GAK: variants seen among roughly 807,000 people sequenced by gnomAD.
GAK encodes cyclin-G-associated kinase.
Under a neutral mutation model 143.9 loss-of-function variants are expected in GAK, and 79 were observed. That is an observed-to-expected ratio of 0.55 (90% CI 0.46 to 0.66). The LOEUF is 0.66. Among genes scored for constraint, GAK ranks in the 30% least tolerant of loss-of-function variants. The probability of loss-of-function intolerance (pLI) is 0.00; values close to 1 mark genes in which losing one functional copy is unlikely to be tolerated. For missense variants in GAK, 1,693 were observed against 1,779.7 expected, an observed-to-expected ratio of 0.95 and a Z score of 0.88; for synonymous variants, 881 against 765.5, an observed-to-expected ratio of 1.15 and a Z score of -2.49.
chr4:921,389 C>T (rs774059022), intron 1 of GAK, among the ~76,000 whole-genome samples: 1 of 152,212 alleles, frequency 6.6e-6, no homozygotes, highest in Non-Finnish European at 1.5e-5. Context: ...CTACCACGCC[C>T]AGCCCATCGA....
At chr4:870,929 T>A (rs777426016) in intron 18 of GAK, 25 bp from the exon 19 acceptor site, 2 of 1,586,154 alleles carry the variant, frequency 1.3e-6, no homozygotes, top group Non-Finnish European at 1.7e-6. Flanking sequence ...AGACACCACT[T>A]AGGAAGGCCA....
chr4:851,837 C>T lies in GAK; in HGVS notation c.3421G>A (p.Ala1141Thr), dbSNP rs1016626619. The T allele has an allele frequency of 6.2e-7, 1 of 1,609,526 alleles. No individual in the cohort carries two copies. The highest frequency in any genetic ancestry group is 1.3e-5 in the African/African-American group (1 of 74,952). Reference protein sequence around the residue: ...WPPQAKPPPKACTQPRPNYAS... With the variant: ...WPPQAKPPPKTCTQPRPNYAS... ...TAGTTAGGCCTTGGCTGTGTGCAGG[C>T]TTTGGGGGGCGGCTTGGCCTGAGGG... Residue 1141 changes from alanine (A) to threonine (T), a missense_variant, in exon 25 of 28, where the codon GCC becomes ACC. Transcript: ENST00000314167.
intron 9 of GAK, among the ~76,000 whole-genome samples, chr4:892,016 G>A (rs749960386): frequency 3.9e-5 from 6 of 152,120 alleles, no homozygotes; most frequent in Non-Finnish European, 7.4e-5. Context: ...GCCTCTCCCC[G>A]TCTGCACTGG....
chr4:895,338 A>C (rs1364714560), intron 7 of GAK, among the ~76,000 whole-genome samples: 2 of 152,248 alleles, frequency 1.3e-5, no homozygotes, highest in Non-Finnish European at 2.9e-5. Flanking sequence ...GATCTTATCC[A>C]GCCAAGAGTA....
At chr4:850,427 G>A (rs1747914907) in intron 26 of GAK, 1 of 232,638 alleles carries the variant, frequency 4.3e-6, no homozygotes, top group Non-Finnish European at 8.4e-6. Context: ...AGGACCCCAA[G>A]GTCACAGGCG....
intron 1 of GAK, among the ~76,000 whole-genome samples, chr4:925,437 A>C (rs1724562989): frequency 6.6e-6 from 1 of 152,220 alleles, no homozygotes; most frequent in South Asian, 2.1e-4. Context: ...TCAGTACAGG[A>C]CCACTACAGG....
At chr4:906,960 C>T (rs548995750) in intron 4 of GAK, among the ~76,000 whole-genome samples, 1 of 152,350 alleles carries the variant, frequency 6.6e-6, no homozygotes, top group South Asian at 2.1e-4. Flanking sequence ...GCCCACACCA[C>T]CTAAACGTGC....
chr4:895,601 C>T (rs556726633), intron 7 of GAK, among the ~76,000 whole-genome samples: 7 of 152,360 alleles, frequency 4.6e-5, no homozygotes, highest in East Asian at 1.9e-4. Context: ...TGACCCGGTC[C>T]GTAGGCAAAT....
chr4:877,851 G>A (rs769771443), intron 15 of GAK, 42 bp from the exon 16 acceptor site: 2 of 1,507,298 alleles, frequency 1.3e-6, no homozygotes, highest in South Asian at 1.3e-5. Flanking sequence ...CGTGCCCTGA[G>A]AGGGGACCAC....
In GAK at chr4:868,633, C is replaced by T. The variant is rs1300644432; in HGVS notation, c.2301G>A (p.Gly767=). 1 of 1,570,922 alleles carries T rather than the reference C, an allele frequency of 6.4e-7. No homozygotes were observed. Among genetic ancestry groups the T allele is most frequent in the Non-Finnish European group, 8.6e-7 (1 of 1,158,682 alleles). The change falls in exon 20 of 28, where the codon GGG becomes GGA. Residue 767 remains glycine, a synonymous_variant. Coordinates refer to ENST00000314167, the MANE Select transcript of GAK (RefSeq NM_005255.4). The part of the protein sequence containing the change: ...QPGSTAQYDA[G]AGSPEAEPTD... ...TGGGTTCGGCTTCCGGGGACCCTGC[C>T]CCAGCATCATACTGAGCCGTGGAGC...
chr4:903,765 ACCACCGGCGGGCAC>A (rs1233242142), intron 5 of GAK, among the ~76,000 whole-genome samples: 10 of 151,522 alleles, frequency 6.6e-5, no homozygotes. Context: ...CTGAACTGAC[ACCACCGGCGGGCAC>A]CCTCGTCCAC....
rs1267741304 is a variant in GAK at position 904,777 on chromosome 4, G to C, written c.385C>G (p.Gln129Glu). 1 of 1,613,704 alleles carries C rather than the reference G, an allele frequency of 6.2e-7. No homozygotes were observed. The highest frequency in any genetic ancestry group is 8.5e-7 in the Non-Finnish European group (1 of 1,179,842). ...ATTTTCTTCAAAAATTCCACCAGCTGCCCTAAAAGAGAATGAAACTCACAT... is the reference window on the plus strand; with the variant it reads ...ATTTTCTTCAAAAATTCCACCAGCTCCCCTAAAAGAGAATGAAACTCACAT... Reference protein sequence around the residue: ...FLLLTELCKGQLVEFLKKMES... With the variant: ...FLLLTELCKGELVEFLKKMES... Residue 129 changes from glutamine to glutamate, a missense_variant and splice_region_variant, in exon 5 of 28, where the codon CAG (glutamine) becomes GAG (glutamate). Gln to Glu is a conservative substitution (Grantham distance 29). Around this residue, in one of 2 missense-constraint regions of GAK, gnomAD observed 871 missense variants for 991.0 expected, o/e 0.88. Transcript: ENST00000314167.
chr4:882,648 T>C, intron 14 of GAK, 49 bp downstream of exon 14: 1 of 1,598,312 alleles, frequency 6.3e-7, no homozygotes, highest in Non-Finnish European at 8.5e-7. Context: ...ATGCATGAAA[T>C]AATGAACTTT....
chr4:902,355 A>AC, intron 5 of GAK, among the ~76,000 whole-genome samples: 1 of 151,598 alleles, frequency 6.6e-6, no homozygotes, highest in Non-Finnish European at 1.5e-5. Flanking sequence ...CCTGGAATCG[A>AC]CCCCTTTCAG....
intron 4 of GAK, among the ~76,000 whole-genome samples, chr4:906,875 C>CTCACTGGCCTCCCTGG (rs1230767616): frequency 1.3e-5 from 2 of 152,218 alleles, no homozygotes; most frequent in Non-Finnish European, 2.9e-5. Context: ...GCCTCAGGAC[C>CTCACTGGCCTCCCTGG]CCTCACAAGC....
At chr4:859,865 A>G in intron 23 of GAK, 143 bp from the exon 24 acceptor site, 1 of 631,054 alleles carries the variant, frequency 1.6e-6, no homozygotes, top group Non-Finnish European at 2.8e-6. Flanking sequence ...CGTGCACGAG[A>G]CCAGCCAGGA....
chr4:873,936 T>C (rs1713251470), intron 18 of GAK, among the ~76,000 whole-genome samples: 3 of 152,210 alleles, frequency 2.0e-5, no homozygotes, highest in Admixed American at 2.0e-4. Context: ...GCTGGCTGTT[T>C]TCTATCTATA....
At chr4:898,383 G>C (rs907798754) in intron 5 of GAK, among the ~76,000 whole-genome samples, 40 of 152,256 alleles carry the variant, frequency 2.6e-4, no homozygotes, top group Non-Finnish European at 5.1e-4. Context: ...AGGGGCCCTG[G>C]CGGGTGGGCC....
chr4:902,534 G>A (rs557947362), intron 5 of GAK, among the ~76,000 whole-genome samples: 9 of 141,138 alleles, frequency 6.4e-5, no homozygotes, highest in Non-Finnish European at 1.1e-4. Flanking sequence ...CAAGTCGGCC[G>A]AGGCGGCAGT....
Sources: allele counts gnomAD v4.1 joint callset (sites outside exome capture counted in the v4.1 genomes callset), GRCh38; gene constraint gnomAD v4.1.1; regional missense constraint gnomAD v4.1.1; transcripts MANE v1.5; gene names NCBI Gene and HGNC (gene_info 2026-07-23, HGNC 2026-07-21).